The following EPHA7 variants were observed in gnomAD, a reference collection of about 807,000 sequenced individuals.
EPHA7 encodes the protein EPH receptor A7, also known as ephrin type-A receptor 7.
Under a neutral mutation model 112.6 loss-of-function variants are expected in EPHA7, and 25 were observed. The ratio of observed to expected loss-of-function variants is 0.22; its 90% CI spans 0.16 to 0.31. The LOEUF (loss-of-function observed/expected upper bound fraction) is 0.31, where lower values mean the gene tolerates loss of function less well. Among genes scored for constraint, EPHA7 ranks in the 10% least tolerant of loss-of-function variants. EPHA7 has a pLI of 1.00. For synonymous variants in EPHA7, 437 were observed against 406.5 expected (o/e 1.07, Z -0.90); for missense variants, 962 against 1,212.6 (o/e 0.79, Z 3.07).
At chr6:93,306,038 A>G (rs895134537) in intron 5 of EPHA7, among the ~76,000 whole-genome samples, 15 of 152,066 alleles carry the variant, frequency 9.9e-5, no homozygotes, top group Middle Eastern at 3.4e-3. Context: ...ATTTTTACAT[A>G]AAAAAGGGCA....
rs1374751463 is a variant in EPHA7 at position 93,241,424 on chromosome 6, T to C, written c.*2002A>G. On this transcript the variant is annotated 3_prime_UTR_variant, in exon 17 of 17. Transcript: ENST00000369303. Reference sequence around the variant, plus strand: ...AATAACCCTCAAGCACATTGTGTTATAGTTCCAAAAATATATTTACAGTCT... The same window carrying C: ...AATAACCCTCAAGCACATTGTGTTACAGTTCCAAAAATATATTTACAGTCT... 1 of 213,096 alleles carries C rather than the reference T, an allele frequency of 4.7e-6. No homozygotes were observed. The highest frequency in any genetic ancestry group is 2.3e-5 in the African/African-American group (1 of 44,270). The allele number at this position is 213,096 out of a possible 1,614,324, so 13.2% of individuals were successfully genotyped here.
intron 2 of EPHA7, 148 bp downstream of exon 2, chr6:93,414,555 T>C: frequency 1.5e-6 from 1 of 665,154 alleles, no homozygotes; most frequent in Non-Finnish European, 2.6e-6. Context: ...GAACTCAATG[T>C]CTCATTATAA....
chr6:93,366,332 T>G (rs937608500), intron 3 of EPHA7, among the ~76,000 whole-genome samples: 1 of 152,184 alleles, frequency 6.6e-6, no homozygotes, highest in Non-Finnish European at 1.5e-5. Context: ...CACTTCACAT[T>G]AGGCTTCTAC....
chr6:93,302,552 C>T (rs1292272146), intron 5 of EPHA7, among the ~76,000 whole-genome samples: 1 of 152,130 alleles, frequency 6.6e-6, no homozygotes, highest in Admixed American at 6.6e-5. Flanking sequence ...TGCATTGGCG[C>T]ATATAATTCT....
intron 5 of EPHA7, among the ~76,000 whole-genome samples, chr6:93,296,493 C>G (rs9342360): frequency 0.26 from 38,274 of 147,316 alleles, 5,539 homozygotes; most frequent in South Asian, 0.39. Flanking sequence ...CACACACACA[C>G]AGAATATTAT....
chr6:93,267,766 C>T (rs1771015355), intron 7 of EPHA7, among the ~76,000 whole-genome samples: 1 of 151,700 alleles, frequency 6.6e-6, no homozygotes, highest in Admixed American at 6.6e-5. Context: ...TGAATCTCAG[C>T]ACACATTAAA....
chr6:93,362,918 A>G (rs1308626069), intron 3 of EPHA7, among the ~76,000 whole-genome samples: 1 of 152,124 alleles, frequency 6.6e-6, no homozygotes, highest in Non-Finnish European at 1.5e-5. Context: ...CCCTTCCGAC[A>G]ATCTTGTTGC....
At chr6:93,415,305 A>T (rs556249218) in intron 1 of EPHA7, among the ~76,000 whole-genome samples, 50 of 152,134 alleles carry the variant, frequency 3.3e-4, no homozygotes, top group Non-Finnish European at 5.9e-5. Flanking sequence ...CTGTTAAGCA[A>T]TGTTATCAGA....
chr6:93,288,104 C>T (rs150677752), intron 5 of EPHA7, among the ~76,000 whole-genome samples: 141 of 152,196 alleles, frequency 9.3e-4, no homozygotes, highest in African/African-American at 3.3e-3. Flanking sequence ...AATGAAAACA[C>T]AGGTCCACAC....
At chr6:93,299,098 G>C (rs564899938) in intron 5 of EPHA7, among the ~76,000 whole-genome samples, 1 of 150,092 alleles carries the variant, frequency 6.7e-6, no homozygotes, top group East Asian at 1.9e-4. Flanking sequence ...AGGCCGAGGC[G>C]GGCGGATCAA....
intron 16 of EPHA7, among the ~76,000 whole-genome samples, chr6:93,244,082 A>C (rs1769831828): frequency 6.6e-6 from 1 of 152,112 alleles, no homozygotes; most frequent in South Asian, 2.1e-4. Flanking sequence ...ATATGTTATA[A>C]AAACTATCTT....
chr6:93,398,777 G>T (rs944443905), intron 3 of EPHA7, among the ~76,000 whole-genome samples: 1 of 152,000 alleles, frequency 6.6e-6, no homozygotes, highest in Non-Finnish European at 1.5e-5. Flanking sequence ...ACAAAGGAGG[G>T]AAATGATCCA....
chr6:93,398,332 G>A (rs1314206006), intron 3 of EPHA7, among the ~76,000 whole-genome samples: 1 of 151,746 alleles, frequency 6.6e-6, no homozygotes, highest in Non-Finnish European at 1.5e-5. Flanking sequence ...TGGTAATTCT[G>A]GAATTATACA....
chr6:93,262,428 G>C lies in EPHA7; in HGVS notation c.1798+1432C>G, dbSNP rs555300011. Among the ~76,000 whole-genome samples, 5 of 151,164 alleles carry C rather than the reference G, an allele frequency of 3.3e-5. No homozygotes were observed. The East Asian group carries it at 9.7e-4, about 29-fold the overall frequency. Reference sequence around the variant, plus strand: ...TCAGTCATATTCAGGGGTATATTAAGTTTTTTGAGGCTTACCCCATATACA... The same window carrying C: ...TCAGTCATATTCAGGGGTATATTAACTTTTTTGAGGCTTACCCCATATACA... On this transcript the variant is annotated intron_variant, in intron 9 of 16. Transcript: ENST00000369303.
chr6:93,282,699 C>T (rs557303543), intron 5 of EPHA7, among the ~76,000 whole-genome samples: 33 of 152,262 alleles, frequency 2.2e-4, no homozygotes, highest in African/African-American at 6.3e-4. Context: ...CGGGCCAGCG[C>T]GAGTTCCCGG....
At chr6:93,399,069 A>T (rs981271168) in intron 3 of EPHA7, among the ~76,000 whole-genome samples, 3 of 152,056 alleles carry the variant, frequency 2.0e-5, no homozygotes, top group African/African-American at 7.2e-5. Context: ...TTCCCTTGCA[A>T]GGGCAGAGAG....
chr6:93,374,177 A>G (rs149281135), intron 3 of EPHA7, among the ~76,000 whole-genome samples: 2 of 152,146 alleles, frequency 1.3e-5, no homozygotes, highest in African/African-American at 2.4e-5. Context: ...CCCTGAAGAG[A>G]GTCATTACAG....
At chr6:93,335,486 A>G (rs1002683565) in intron 5 of EPHA7, among the ~76,000 whole-genome samples, 1 of 152,056 alleles carries the variant, frequency 6.6e-6, no homozygotes, top group African/African-American at 2.4e-5. Context: ...CATTAAGGAC[A>G]TAAGGAAATA....
At chr6:93,378,345 T>G (rs1011484239) in intron 3 of EPHA7, among the ~76,000 whole-genome samples, 2 of 152,084 alleles carry the variant, frequency 1.3e-5, no homozygotes, top group African/African-American at 4.8e-5. Flanking sequence ...TGATAAGACT[T>G]GCATTTGGAA....
Sources: allele counts gnomAD v4.1 joint callset (sites outside exome capture counted in the v4.1 genomes callset), GRCh38; gene constraint gnomAD v4.1.1; transcripts MANE v1.5; gene names NCBI Gene and HGNC (gene_info 2026-07-23, HGNC 2026-07-21).